DAP3: variants seen among roughly 807,000 people sequenced by gnomAD.
DAP3 encodes the protein small ribosomal subunit protein mS29.
Under a neutral mutation model 51.9 loss-of-function variants are expected in DAP3, and 28 were observed. That is an observed-to-expected ratio of 0.54 (90% CI 0.40 to 0.74). The LOEUF is 0.74. DAP3 is among the 30% of genes least tolerant of loss of function. The probability of loss-of-function intolerance (pLI) is 0.00; values close to 1 mark genes in which losing one functional copy is unlikely to be tolerated. For synonymous variants in DAP3, 170 were observed against 170.3 expected (o/e 1.00, Z 0.01); for missense variants, 458 against 483.5 (o/e 0.95, Z 0.49).
At chr1:155,698,344 A>C (rs1203480370) in intron 1 of DAP3, among the ~76,000 whole-genome samples, 1 of 152,212 alleles carries the variant, frequency 6.6e-6, no homozygotes, top group Admixed American at 6.5e-5. Context: ...AGAAATTATA[A>C]AAGTATTAAT....
At chr1:155,730,086 ATATG>A (rs967866395) in intron 9 of DAP3, among the ~76,000 whole-genome samples, 4 of 142,836 alleles carry the variant, frequency 2.8e-5, no homozygotes, top group Admixed American at 2.8e-4. Context: ...ATATATTCAT[ATATG>A]TATATATACA....
At position 155,738,827 on chromosome 1, in the gene DAP3, C is replaced by G. The variant is rs972772084; in HGVS notation, c.*585C>G. 1.3e-5 allele frequency: 2 copies of G among 151,934 alleles called. No individual in the cohort carries two copies. The highest frequency in any genetic ancestry group is 1.9e-4 in the East Asian group (1 of 5,184). 9.4% of individuals were successfully genotyped at this position (151,934 alleles called of 1,614,324 possible). On this transcript the variant is annotated 3_prime_UTR_variant, in exon 13 of 13. Coordinates refer to ENST00000368336, the MANE Select transcript of DAP3 (RefSeq NM_004632.4). ...TCTCTACTAAAAATACAAAAATTAG[C>G]CGGGCACGGTGGCATGCGCCTGTAA...
intron 1 of DAP3, among the ~76,000 whole-genome samples, chr1:155,707,681 T>C (rs1173931426): frequency 6.6e-6 from 1 of 152,204 alleles, no homozygotes; most frequent in Non-Finnish European, 1.5e-5. Flanking sequence ...CCCAATCTTC[T>C]TCCCTTTTCT....
At chr1:155,710,984 A>G (rs1656623805) in intron 2 of DAP3, among the ~76,000 whole-genome samples, 1 of 152,150 alleles carries the variant, frequency 6.6e-6, no homozygotes, top group Non-Finnish European at 1.5e-5. Context: ...TGAGCCAGAA[A>G]GACTTGGTCA....
rs558048964 is a variant in DAP3, at chr1:155,690,017, T to C, written c.-8+843T>C. On this transcript the variant is annotated intron_variant, in intron 1 of 12. Coordinates refer to ENST00000368336, the MANE Select transcript of DAP3 (RefSeq NM_004632.4). ...GTGTTGTCATTTACAGTTCTGTTGA[T>C]GTCGATAACGTTTGTGGGTGTAATG... Among the ~76,000 whole-genome samples the C allele has an allele frequency of 1.4e-4, 17 of 122,396 alleles. 4 individuals carry two copies. The highest frequency in any genetic ancestry group is 1.1e-3 in the African/African-American group (15 of 13,314). 80.3% of individuals were successfully genotyped at this position (122,396 alleles called of 152,430 possible).
chr1:155,689,722 G>T, intron 1 of DAP3: 1 of 247,062 alleles, frequency 4.0e-6, no homozygotes, highest in South Asian at 3.7e-5. Flanking sequence ...GACAATCCTG[G>T]CCAACATGGT....
At chr1:155,706,163 C>G (rs770174894) in intron 1 of DAP3, among the ~76,000 whole-genome samples, 19 of 152,064 alleles carry the variant, frequency 1.2e-4, no homozygotes, top group Non-Finnish European at 2.4e-4. Flanking sequence ...CCCTGGCAAA[C>G]TAATTAATTT....
Position 155,725,992 on chromosome 1 carries a change from G to A in DAP3, c.445G>A (p.Asp149Asn), listed in dbSNP as rs926948524. The A allele has an allele frequency of 2.8e-5, 45 of 1,613,934 alleles. No individual in the cohort carries two copies. The highest frequency in any genetic ancestry group is 3.6e-5 in the Non-Finnish European group (43 of 1,180,006). Residue 149 changes from aspartate (D) to asparagine (N), a missense_variant, in exon 6 of 13, where the codon GAC (aspartate) becomes AAC (asparagine). Coordinates refer to ENST00000368336, the MANE Select transcript of DAP3 (RefSeq NM_004632.4). ...TGTTATTCATTTCTGTGCAAAACAG[G>A]ACTGGCTGATACTACATATTCCAGA... The part of the protein sequence containing the change: ...CHVIHFCAKQ[D>N]WLILHIPDAH...
At chr1:155,702,151 TAAA>T (rs71080722) in intron 1 of DAP3, among the ~76,000 whole-genome samples, 1 of 101,658 alleles carries the variant, frequency 9.8e-6, no homozygotes, top group Non-Finnish European at 2.0e-5. Flanking sequence ...ATTCTGCCTA[TAAA>T]AAAAAAAAAA....
At chr1:155,711,955 G>A (rs557895207) in intron 2 of DAP3, among the ~76,000 whole-genome samples, 3 of 151,222 alleles carry the variant, frequency 2.0e-5, no homozygotes, top group African/African-American at 4.9e-5. Flanking sequence ...CCAGCAAGTC[G>A]GCTCATCCTA....
rs4824 is a variant in DAP3 at position 155,689,149 on chromosome 1, T to G, written c.-33T>G. 217,874 of 816,550 alleles carry G rather than the reference T, an allele frequency of 0.27. 34,128 individuals carry two copies. Among genetic ancestry groups the G allele is most frequent in the East Asian group, 0.72 (27,265 of 37,758 alleles). 50.6% of individuals were successfully genotyped at this position (816,550 alleles called of 1,614,324 possible). ...CAGGCAGCGTGTGTCGGTCGCCTAG[T>G]CTGGAGAACTAGTCCTCGACTCACG... On this transcript the variant is annotated 5_prime_UTR_variant, in exon 1 of 13. Coordinates refer to ENST00000368336, the MANE Select transcript of DAP3 (RefSeq NM_004632.4).
chr1:155,704,225 C>G (rs1655677051), intron 1 of DAP3, among the ~76,000 whole-genome samples: 1 of 152,194 alleles, frequency 6.6e-6, no homozygotes, highest in African/African-American at 2.4e-5. Context: ...AGTCTGGATG[C>G]TGGTAGATCA....
intron 1 of DAP3, among the ~76,000 whole-genome samples, chr1:155,694,374 G>A (rs1654249604): frequency 7.1e-6 from 1 of 141,714 alleles, no homozygotes; most frequent in South Asian, 2.1e-4. Flanking sequence ...CTAATTAAAG[G>A]TGGAAATGGG....
intron 2 of DAP3, 58 bp from the exon 3 acceptor site, chr1:155,716,948 C>CAAAAAA: frequency 7.2e-7 from 1 of 1,395,036 alleles, no homozygotes; most frequent in Non-Finnish European, 9.5e-7. Context: ...AACTCCATCT[C>CAAAAAA]AAAAAAAAAA....
At chr1:155,724,968 GAAA>G (rs1482300447) in intron 4 of DAP3, among the ~76,000 whole-genome samples, 1 of 150,440 alleles carries the variant, frequency 6.6e-6, no homozygotes, top group Non-Finnish European at 1.5e-5. Context: ...AAAAAAAAAA[GAAA>G]AAAAATTTAA....
intron 4 of DAP3, among the ~76,000 whole-genome samples, chr1:155,723,010 T>C (rs1658174893): frequency 6.6e-6 from 1 of 152,170 alleles, no homozygotes; most frequent in Non-Finnish European, 1.5e-5. Flanking sequence ...TTCATTTACA[T>C]GAAGGCCTAC....
intron 3 of DAP3, among the ~76,000 whole-genome samples, chr1:155,719,518 G>C (rs1197671590): frequency 2.0e-5 from 3 of 151,484 alleles, no homozygotes; most frequent in Admixed American, 1.3e-4. Flanking sequence ...TTACAGGCAT[G>C]AGCCACTGTG....
chr1:155,699,645 AC>A (rs1335178170), intron 1 of DAP3, among the ~76,000 whole-genome samples: 1 of 151,956 alleles, frequency 6.6e-6, no homozygotes, highest in East Asian at 1.9e-4. Context: ...GCAGGGTCTT[AC>A]TCTGTTACCT....
intron 1 of DAP3, among the ~76,000 whole-genome samples, chr1:155,698,758 C>T (rs1254537633): frequency 1.3e-5 from 2 of 152,212 alleles, no homozygotes; most frequent in African/African-American, 4.8e-5. Flanking sequence ...TCAACTTTTA[C>T]ACCACTACGC....
Sources: allele counts gnomAD v4.1 joint callset (sites outside exome capture counted in the v4.1 genomes callset), GRCh38; gene constraint gnomAD v4.1.1; transcripts MANE v1.5; gene names NCBI Gene and HGNC (gene_info 2026-07-23, HGNC 2026-07-21).